Variants in COA1 observed in about 807,000 individuals in gnomAD.
The protein encoded by COA1 is cytochrome c oxidase assembly factor 1.
In COA1, 13 loss-of-function variants were observed where a neutral mutation model predicts 16.0. The ratio of observed to expected loss-of-function variants is 0.81; its 90% CI spans 0.53 to 1.29. The LOEUF is 1.29. Ranked by LOEUF, COA1 falls within the 50% of genes most tolerant of loss-of-function variation. The pLI is 0.00. For synonymous variants in COA1, 65 were observed against 65.7 expected, an observed-to-expected ratio of 0.99 and a Z score of 0.05; for missense variants, 179 against 177.0, an observed-to-expected ratio of 1.01 and a Z score of -0.06.
chr7:43,662,059 C>A (rs981669944), intron 1 of COA1, among the ~76,000 whole-genome samples: 2 of 152,192 alleles, frequency 1.3e-5, no homozygotes, highest in African/African-American at 4.8e-5. Context: ...TACTGATCAG[C>A]CTTCAGATTA....
At chr7:43,727,808 C>A (rs1443156156) in intron 1 of COA1, among the ~76,000 whole-genome samples, 1 of 152,044 alleles carries the variant, frequency 6.6e-6, no homozygotes, top group Non-Finnish European at 1.5e-5. Flanking sequence ...AAACTGAATG[C>A]AGCATATTAA....
At chr7:43,696,187 C>T (rs1189925140) in intron 1 of COA1, among the ~76,000 whole-genome samples, 2 of 152,140 alleles carry the variant, frequency 1.3e-5, no homozygotes, top group Non-Finnish European at 1.5e-5. Context: ...AAATAACAAT[C>T]GCCAGTTTCT....
At chr7:43,646,835 G>A (rs370930969) in intron 3 of COA1, 42 of 274,208 alleles carry the variant, frequency 1.5e-4, no homozygotes, top group African/African-American at 8.7e-4. Context: ...CTCACATCCT[G>A]GGAAGAAGTG....
rs2153061516 is a variant in COA1 at position 43,639,580 on chromosome 7, C to G, written c.*2G>C. 1 of 1,613,096 alleles carries G rather than the reference C, an allele frequency of 6.2e-7. No individual in the cohort carries two copies. Among genetic ancestry groups the G allele is most frequent in the Non-Finnish European group, 8.5e-7 (1 of 1,179,166 alleles). On this transcript the variant is annotated 3_prime_UTR_variant, in exon 6 of 6. Coordinates refer to ENST00000223336, the MANE Select transcript of COA1 (RefSeq NM_018224.4). ...AAGCAAGCTGGGTCTTCTGGGTCGT[C>G]TCTACTCCTTTTTCACTTCATCACC...
intron 1 of COA1, among the ~76,000 whole-genome samples, chr7:43,702,635 T>C (rs1446551786): frequency 6.6e-6 from 1 of 152,194 alleles, no homozygotes; most frequent in Non-Finnish European, 1.5e-5. Context: ...TTCTAGGTTT[T>C]CTAGTTTCTC....
At chr7:43,644,801 GAGA>G (rs2088675209) in intron 4 of COA1, among the ~76,000 whole-genome samples, 1 of 131,060 alleles carries the variant, frequency 7.6e-6, no homozygotes, top group Admixed American at 7.3e-5. Context: ...CAGAGAGACA[GAGA>G]GAGAGAGAGA....
At chr7:43,660,093 T>A (rs898198264) in intron 1 of COA1, among the ~76,000 whole-genome samples, 5 of 152,176 alleles carry the variant, frequency 3.3e-5, no homozygotes, top group African/African-American at 1.2e-4. Context: ...AGAAAATATA[T>A]TCCTGTCATT....
chr7:43,650,900 C>T (rs1488710544), intron 1 of COA1, among the ~76,000 whole-genome samples: 4 of 151,218 alleles, frequency 2.6e-5, no homozygotes, highest in Non-Finnish European at 5.9e-5. Flanking sequence ...GAGGATCAAC[C>T]AAGTCTCCCC....
chr7:43,618,794 T>C (rs1353157423), intron 6 of COA1, among the ~76,000 whole-genome samples: 1 of 152,140 alleles, frequency 6.6e-6, no homozygotes, highest in African/African-American at 2.4e-5. Flanking sequence ...TTACTGTACA[T>C]GTCCTCACCC....
chr7:43,690,062 T>C (rs565896998), intron 1 of COA1, among the ~76,000 whole-genome samples: 2 of 152,108 alleles, frequency 1.3e-5, no homozygotes, highest in Non-Finnish European at 2.9e-5. Flanking sequence ...ATGTAAATTG[T>C]CTGCAAGAAT....
At chr7:43,644,159 A>G (rs1279284125) in intron 4 of COA1, among the ~76,000 whole-genome samples, 3 of 152,038 alleles carry the variant, frequency 2.0e-5, no homozygotes, top group African/African-American at 4.8e-5. Flanking sequence ...CCACCTTTCA[A>G]AGTCCTCACA....
intron 6 of COA1, chr7:43,623,680 A>AT: frequency 6.2e-7 from 1 of 1,602,208 alleles, no homozygotes; most frequent in Non-Finnish European, 8.5e-7. Context: ...ATGGTACTAA[A>AT]TTTTTCTTGC....
chr7:43,619,561 TTA>T, intron 6 of COA1: 2 of 1,606,166 alleles, frequency 1.2e-6, no homozygotes, highest in Non-Finnish European at 1.7e-6. Context: ...TTAATCATAG[TTA>T]TATTGATTTT....
intron 1 of COA1, among the ~76,000 whole-genome samples, chr7:43,656,494 G>A (rs775335043): frequency 9.9e-5 from 15 of 151,674 alleles, no homozygotes; most frequent in Non-Finnish European, 1.8e-4. Context: ...TCAAGAGATC[G>A]AGACCATCCT....
intron 6 of COA1, among the ~76,000 whole-genome samples, chr7:43,621,990 C>T (rs1284286083): frequency 6.6e-6 from 1 of 152,084 alleles, no homozygotes; most frequent in Non-Finnish European, 1.5e-5. Flanking sequence ...CTCTTTATAC[C>T]TCAGATTCCT....
chr7:43,660,651 C>T (rs1302618847), intron 1 of COA1, among the ~76,000 whole-genome samples: 1 of 152,092 alleles, frequency 6.6e-6, no homozygotes, highest in Non-Finnish European at 1.5e-5. Flanking sequence ...TGCTCCTCAC[C>T]TAAATTACCC....
intron 6 of COA1, among the ~76,000 whole-genome samples, chr7:43,613,821 G>GA (rs2083093983): frequency 6.6e-6 from 1 of 152,130 alleles, no homozygotes; most frequent in South Asian, 2.1e-4. Flanking sequence ...CCAGCCTGGG[G>GA]AACAGAGTGA....
At chr7:43,712,334 A>C (rs1003089482) in intron 1 of COA1, among the ~76,000 whole-genome samples, 1 of 152,074 alleles carries the variant, frequency 6.6e-6, no homozygotes, top group Non-Finnish European at 1.5e-5. Flanking sequence ...GCTGGTCTCC[A>C]ACTCCTGACC....
intron 1 of COA1, among the ~76,000 whole-genome samples, chr7:43,664,227 T>C (rs1399307553): frequency 6.6e-6 from 1 of 151,924 alleles, no homozygotes; most frequent in South Asian, 2.1e-4. Context: ...GCAATACTCC[T>C]GCCTCAGTCT....
Sources: gnomAD v4.1 joint callset for allele counts (sites outside exome capture counted in the v4.1 genomes callset) on GRCh38, gnomAD v4.1.1 for gene constraint, MANE v1.5 for transcripts, NCBI Gene and HGNC (gene_info 2026-07-23, HGNC 2026-07-21) for gene names.